Variants in PARP16 observed in about 807,000 individuals in gnomAD.
PARP16 encodes the protein protein mono-ADP-ribosyltransferase PARP16.
Under a neutral mutation model 35.0 loss-of-function variants are expected in PARP16, and 31 were observed. The observed-to-expected ratio is 0.88, with a 90% CI of 0.66 to 1.19. The LOEUF is 1.19. Ranked by LOEUF, PARP16 falls within the 50% of genes most tolerant of loss-of-function variation. The probability of loss-of-function intolerance (pLI) is 0.00; values close to 1 mark genes in which losing one functional copy is unlikely to be tolerated. For missense variants in PARP16, 424 were observed against 411.2 expected (o/e 1.03, Z -0.27); for synonymous variants, 162 against 169.5 (o/e 0.96, Z 0.34).
At chr15:65,276,452 C>G (rs1028697278) in intron 1 of PARP16, among the ~76,000 whole-genome samples, 1 of 152,158 alleles carries the variant, frequency 6.6e-6, no homozygotes, top group African/African-American at 2.4e-5. Context: ...CAGCTCACAG[C>G]AGCCTTGACC....
chr15:65,271,418 C>T (rs745840574), intron 1 of PARP16, among the ~76,000 whole-genome samples: 4 of 152,152 alleles, frequency 2.6e-5, no homozygotes, highest in East Asian at 1.9e-4. Flanking sequence ...GGACTACAAG[C>T]GCACGCCACC....
At chr15:65,277,042 T>C (rs1014068101) in intron 1 of PARP16, among the ~76,000 whole-genome samples, 2 of 152,130 alleles carry the variant, frequency 1.3e-5, no homozygotes, top group African/African-American at 4.8e-5. Flanking sequence ...AGGTGGCCTA[T>C]ATTTTTATTT....
chr15:65,285,096 A>G (rs942085643), intron 1 of PARP16, among the ~76,000 whole-genome samples: 4 of 146,474 alleles, frequency 2.7e-5, no homozygotes, highest in African/African-American at 1.0e-4. Flanking sequence ...TTCTTTTTCT[A>G]CAATAGTCTA....
chr15:65,245,603 T>A (rs1463351215), intron 3 of PARP16, among the ~76,000 whole-genome samples: 1 of 152,020 alleles, frequency 6.6e-6, no homozygotes, highest in Non-Finnish European at 1.5e-5. Flanking sequence ...CTGTTTGCAA[T>A]AACTAGGCCA....
At chr15:65,275,975 C>G (rs979932333) in intron 1 of PARP16, among the ~76,000 whole-genome samples, 4 of 152,176 alleles carry the variant, frequency 2.6e-5, no homozygotes, top group African/African-American at 9.7e-5. Flanking sequence ...CACAAAAGGA[C>G]AGTCAGCTAG....
Position 65,258,360 on chromosome 15 carries a change from T to C in PARP16, c.*1047A>G, listed in dbSNP as rs2089577268. On this transcript the variant is annotated 3_prime_UTR_variant, in exon 6 of 6. Coordinates refer to ENST00000649807, the MANE Select transcript of PARP16 (RefSeq NM_001316943.2). The stretch of plus-strand genomic sequence containing the variant: ...TACACATTAAAGCCCAGGCTGAGTC[T>C]CAAAGACCTGTGACCCCTCTGAAGG... 6.6e-6 allele frequency: 1 copy of C among 152,224 alleles called. No individual in the cohort carries two copies. Among genetic ancestry groups the C allele is most frequent in the Non-Finnish European group, 1.5e-5 (1 of 68,048 alleles). 9.4% of individuals were successfully genotyped at this position (152,224 alleles called of 1,614,324 possible). A position where few individuals can be genotyped will look rare whatever the true frequency, so the allele number is the denominator to read the frequency against.
At chr15:65,259,655 C>A in intron 5 of PARP16, 113 bp from the exon 6 acceptor site, 1 of 1,058,972 alleles carries the variant, frequency 9.4e-7, no homozygotes. Context: ...CATCCTTTGC[C>A]TGAGCCATGA....
At chr15:65,280,864 T>C (rs11854983) in intron 1 of PARP16, among the ~76,000 whole-genome samples, 6,728 of 152,244 alleles carry the variant, frequency 0.044, 366 homozygotes, top group African/African-American at 0.13. Flanking sequence ...TTAGAGCAGT[T>C]TGGCACCCCA....
intron 3 of PARP16, among the ~76,000 whole-genome samples, chr15:65,265,776 G>C (rs920401299): frequency 1.2e-4 from 18 of 152,134 alleles, no homozygotes; most frequent in African/African-American, 4.3e-4. Context: ...GACGCTGCTG[G>C]TCCAGGGAAC....
chr15:65,231,300 A>C (rs2088776477), downstream of PARP16, among the ~76,000 whole-genome samples: 1 of 152,018 alleles, frequency 6.6e-6, no homozygotes, highest in African/African-American at 2.4e-5. Context: ...TAATATACTG[A>C]TATGTGCATG....
downstream of PARP16, among the ~76,000 whole-genome samples, chr15:65,255,245 T>G (rs1380562391): frequency 6.6e-6 from 1 of 152,000 alleles, no homozygotes; most frequent in Non-Finnish European, 1.5e-5. Flanking sequence ...CACTATCCCC[T>G]AGTACACTAG....
At chr15:65,272,098 A>G (rs956455699) in intron 1 of PARP16, among the ~76,000 whole-genome samples, 1 of 152,200 alleles carries the variant, frequency 6.6e-6, no homozygotes, top group Non-Finnish European at 1.5e-5. Context: ...CCCCATGTGG[A>G]TCTCATCTCT....
At chr15:65,238,423 G>A (rs548322402) in intron 3 of PARP16, among the ~76,000 whole-genome samples, 2 of 152,242 alleles carry the variant, frequency 1.3e-5, no homozygotes, top group African/African-American at 4.8e-5. Flanking sequence ...TCTGTCCCTG[G>A]CCCAGGCTGC....
chr15:65,276,218 A>C (rs2090249496), intron 1 of PARP16, among the ~76,000 whole-genome samples: 1 of 152,158 alleles, frequency 6.6e-6, no homozygotes. Context: ...CTGCTTCAAC[A>C]ATTTAATAGG....
chr15:65,277,194 T>C (rs1287373882), intron 1 of PARP16, among the ~76,000 whole-genome samples: 2 of 152,128 alleles, frequency 1.3e-5, no homozygotes, highest in East Asian at 1.9e-4. Flanking sequence ...TCCTCTGTGC[T>C]TCTGTGGCTG....
At chr15:65,274,365 A>C (rs1164979576) in intron 1 of PARP16, among the ~76,000 whole-genome samples, 1 of 151,664 alleles carries the variant, frequency 6.6e-6, no homozygotes, top group African/African-American at 2.4e-5. Flanking sequence ...GCTCAACACC[A>C]GCAGGGGCAA....
intron 4 of PARP16, among the ~76,000 whole-genome samples, chr15:65,262,636 T>G (rs1376719812): frequency 6.6e-6 from 1 of 152,058 alleles, no homozygotes; most frequent in African/African-American, 2.4e-5. Context: ...CCTGGAGGGA[T>G]CTGGCACACG....
At chr15:65,285,201 A>G (rs2090549608) in intron 1 of PARP16, among the ~76,000 whole-genome samples, 3 of 123,682 alleles carry the variant, frequency 2.4e-5, no homozygotes. Context: ...GCAATGGCGC[A>G]ATCTCGGCTC....
At chr15:65,247,262 T>C (rs372110238) in intron 3 of PARP16, among the ~76,000 whole-genome samples, 5 of 152,290 alleles carry the variant, frequency 3.3e-5, no homozygotes, top group African/African-American at 9.6e-5. Context: ...CCCGAAATGC[T>C]GGGATTACAG....
Sources: allele counts gnomAD v4.1 joint callset (sites outside exome capture counted in the v4.1 genomes callset), GRCh38; gene constraint gnomAD v4.1.1; transcripts MANE v1.5; gene names NCBI Gene and HGNC (gene_info 2026-07-23, HGNC 2026-07-21).